The following HSPA14 variants were observed in gnomAD, a reference collection of about 807,000 sequenced individuals.
The protein encoded by HSPA14 is heat shock 70 kDa protein 14.
HSPA14 carries 37 observed loss-of-function variants against 65.5 expected under a neutral mutation model. The ratio of observed to expected loss-of-function variants is 0.56; its 90% CI spans 0.43 to 0.74. The LOEUF (loss-of-function observed/expected upper bound fraction) is 0.74. Among genes scored for constraint, HSPA14 ranks in the 30% least tolerant of loss-of-function variants. HSPA14 has a pLI of 0.00. For synonymous variants in HSPA14, 203 were observed against 214.2 expected, an observed-to-expected ratio of 0.95 and a Z score of 0.46; for missense variants, 564 against 607.6, an observed-to-expected ratio of 0.93 and a Z score of 0.75.
In HSPA14 at chr10:14,871,536, CT is replaced by C; in HGVS notation, c.1463del (p.Leu488TyrfsTer3). On this transcript the variant is annotated frameshift_variant, in exon 14 of 14. Transcript: ENST00000378372. LOFTEE classifies it high-confidence loss of function. ...LAVLTMKRDG[S>X]LHVTCTDQET... ...TTTTTTTGTCTGTTTAGGGATGGAT[CT>C]TTACATGTGACATGCACAGATCAAG... is the stretch of plus-strand genomic sequence containing the variant. The C allele has an allele frequency of 6.3e-7, 1 of 1,581,084 alleles. No homozygotes were observed. Among genetic ancestry groups the C allele is most frequent in the Non-Finnish European group, 8.6e-7 (1 of 1,156,240 alleles).
intron 9 of HSPA14, 137 bp downstream of exon 9, chr10:14,854,417 TC>T: frequency 1.5e-6 from 1 of 683,148 alleles, no homozygotes; most frequent in Non-Finnish European, 2.4e-6. Flanking sequence ...TTTATTGGGG[TC>T]CAGTTTTTGT....
At chr10:14,853,352 T>C (rs1834122360) in intron 8 of HSPA14, among the ~76,000 whole-genome samples, 1 of 152,192 alleles carries the variant, frequency 6.6e-6, no homozygotes, top group Non-Finnish European at 1.5e-5. Context: ...TTGTAGGTTG[T>C]TTTTTCTTTT....
intron 12 of HSPA14, among the ~76,000 whole-genome samples, chr10:14,870,186 G>A (rs956784444): frequency 6.6e-6 from 1 of 150,496 alleles, no homozygotes; most frequent in East Asian, 1.9e-4. Context: ...TTTTCCAAAT[G>A]TATTTAAAAT....
chr10:14,839,530 G>A (rs1311959577), intron 1 of HSPA14, among the ~76,000 whole-genome samples: 1 of 150,770 alleles, frequency 6.6e-6, no homozygotes, highest in Non-Finnish European at 1.5e-5. Flanking sequence ...TGGCACTGCA[G>A]TCTGCACTCC....
chr10:14,867,592 G>A, intron 11 of HSPA14, 144 bp from the exon 12 acceptor site: 1 of 707,924 alleles, frequency 1.4e-6, no homozygotes. Flanking sequence ...AAGTGAAGTA[G>A]GATTAAGGAT....
intron 3 of HSPA14, among the ~76,000 whole-genome samples, 156 bp downstream of exon 3, chr10:14,840,313 T>C (rs1458165705): frequency 1.3e-5 from 2 of 152,202 alleles, no homozygotes; most frequent in African/African-American, 4.8e-5. Context: ...GGCAGTGTCT[T>C]TTGATTCTTA....
intron 3 of HSPA14, chr10:14,846,734 T>C: frequency 1.0e-6 from 1 of 985,084 alleles, no homozygotes; most frequent in Non-Finnish European, 1.2e-6. Context: ...TAAGGCACTG[T>C]CATGTAACAA....
intron 3 of HSPA14, chr10:14,844,146 A>C (rs1163894315): frequency 7.6e-7 from 1 of 1,312,822 alleles, no homozygotes; most frequent in Non-Finnish European, 9.7e-7. Flanking sequence ...GGTTCATCCT[A>C]GCTTTGTCAC....
chr10:14,856,460 G>A (rs966739072), intron 10 of HSPA14, among the ~76,000 whole-genome samples: 3 of 152,116 alleles, frequency 2.0e-5, no homozygotes, highest in African/African-American at 4.8e-5. Context: ...GCTGCTTCCC[G>A]TTCCTTGCTT....
chr10:14,855,243 A>G (rs1028721937), intron 9 of HSPA14, among the ~76,000 whole-genome samples: 1 of 152,172 alleles, frequency 6.6e-6, no homozygotes, highest in African/African-American at 2.4e-5. Context: ...AGATAACATT[A>G]TTTTTTAAGC....
chr10:14,870,667 G>C lies in HSPA14; in HGVS notation c.1451G>C (p.Arg484Thr), dbSNP rs767985534. 1 of 1,557,910 alleles carries C rather than the reference G, an allele frequency of 6.4e-7. No individual in the cohort carries two copies. Among genetic ancestry groups the C allele is most frequent in the Non-Finnish European group, 8.7e-7 (1 of 1,146,562 alleles). Residue 484 changes from arginine (R) to threonine (T), a missense_variant and splice_region_variant, in exon 13 of 14, where the codon AGG (arginine) becomes ACG (threonine). Coordinates refer to ENST00000378372, the MANE Select transcript of HSPA14 (RefSeq NM_016299.4). ...ATATTAGCTGTTCTTACTATGAAAA[G>C]GTAAAAAATTAAACTTCTGTTGTTA... is the stretch of plus-strand genomic sequence containing the variant. ...RDILAVLTMK[R>T]DGSLHVTCTD...
chr10:14,851,879 G>T (rs1297908017), intron 7 of HSPA14, among the ~76,000 whole-genome samples: 2 of 152,124 alleles, frequency 1.3e-5, no homozygotes, highest in Non-Finnish European at 2.9e-5. Context: ...TCCTAGTTAA[G>T]CAAAGAAATA....
rs199859571 is a variant in HSPA14 at position 14,848,640 on chromosome 10, G to A, written c.253G>A (p.Ala85Thr). 1.6e-4 allele frequency: 256 copies of A among 1,610,880 alleles called. No homozygotes were observed. Among genetic ancestry groups the A allele is most frequent in the Non-Finnish European group, 1.8e-4 (213 of 1,177,942 alleles). Residue 85 changes from alanine (A) to threonine (T), a missense_variant, in exon 4 of 14, where the codon GCG becomes ACG. By Grantham distance (58) the Ala-to-Thr change is moderately conservative (BLOSUM62 0). Transcript: ENST00000378372. Reference protein sequence around the residue: ...SSDPQAQKYIAESKCLVIEKN... With the variant: ...SSDPQAQKYITESKCLVIEKN... ...TGATCCACAAGCTCAGAAATACATC[G>A]CGGAAAGTAAATGTTTAGTGAGTAT...
intron 10 of HSPA14, among the ~76,000 whole-genome samples, chr10:14,861,803 A>G (rs980994248): frequency 3.9e-5 from 6 of 151,956 alleles, no homozygotes; most frequent in African/African-American, 1.4e-4. Flanking sequence ...CACAAGGTCA[A>G]GAGATCTAGA....
intron 6 of HSPA14, 71 bp downstream of exon 6, chr10:14,849,882 C>A: frequency 2.2e-6 from 2 of 919,574 alleles, no homozygotes; most frequent in Admixed American, 2.3e-5. Flanking sequence ...TAAAAGGTAA[C>A]ATTGTATTTT....
intron 3 of HSPA14, chr10:14,847,113 A>G (rs1834065193): frequency 5.1e-6 from 4 of 792,050 alleles, no homozygotes; most frequent in Non-Finnish European, 4.6e-6. Flanking sequence ...CCTCGGAGCT[A>G]TATGTGCTTT....
At chr10:14,843,588 G>C in intron 3 of HSPA14, 1 of 1,550,618 alleles carries the variant, frequency 6.4e-7, no homozygotes. Flanking sequence ...ATAGGCCCTT[G>C]ACCAGTGAGC....
intron 10 of HSPA14, among the ~76,000 whole-genome samples, chr10:14,858,175 T>A (rs1330116613): frequency 1.3e-5 from 2 of 152,188 alleles, no homozygotes; most frequent in African/African-American, 4.8e-5. Flanking sequence ...AGTTACTCTA[T>A]AGGGTTGCTA....
At chr10:14,845,624 C>G in intron 3 of HSPA14, 1 of 798,672 alleles carries the variant, frequency 1.3e-6, no homozygotes, top group Non-Finnish European at 1.5e-6. Context: ...GAAAAAGTCT[C>G]ACTGTTTTGC....
Sources: gnomAD v4.1 joint callset for allele counts (sites outside exome capture counted in the v4.1 genomes callset) on GRCh38, gnomAD v4.1.1 for gene constraint, MANE v1.5 for transcripts, NCBI Gene and HGNC (gene_info 2026-07-23, HGNC 2026-07-21) for gene names.